The following TSHZ1 variants were observed in gnomAD, a reference collection of about 807,000 sequenced individuals.
The protein encoded by TSHZ1 is teashirt homolog 1.
TSHZ1 carries 12 observed loss-of-function variants against 67.1 expected under a neutral mutation model. That is an observed-to-expected ratio of 0.18 (90% CI 0.11 to 0.29). The LOEUF is 0.29. Ranked by LOEUF, TSHZ1 falls within the 10% of genes least tolerant of loss-of-function variation. TSHZ1 has a pLI of 1.00. For missense variants in TSHZ1, 1,305 were observed against 1,413.9 expected (o/e 0.92, Z 1.23); for synonymous variants, 632 against 622.4 (o/e 1.02, Z -0.23).
chr18:75,251,714 G>T (rs1250257429), intron 1 of TSHZ1, among the ~76,000 whole-genome samples: 1 of 151,974 alleles, frequency 6.6e-6, no homozygotes, highest in Non-Finnish European at 1.5e-5. Context: ...ACGTGAGGGG[G>T]GAGCAATTTT....
At chr18:75,247,178 A>T (rs2023234574) in intron 1 of TSHZ1, among the ~76,000 whole-genome samples, 1 of 152,014 alleles carries the variant, frequency 6.6e-6, no homozygotes, top group South Asian at 2.1e-4. Context: ...GCATCGACCC[A>T]CCACCGACCG....
rs1014859968 is a variant in TSHZ1, at chr18:75,289,574, A to T, written c.*933A>T. The T allele has an allele frequency of 6.0e-6, 1 of 167,100 alleles. No homozygotes were observed. Among genetic ancestry groups the T allele is most frequent in the Admixed American group, 6.5e-5 (1 of 15,288 alleles). 10.4% of individuals were successfully genotyped at this position (167,100 alleles called of 1,614,324 possible). On this transcript the variant is annotated 3_prime_UTR_variant, in exon 2 of 2. Transcript: ENST00000580243. Reference sequence around the variant, plus strand: ...GCTTAAAAACTCCTGTATGTTACATATCGTACCATTTTAATCTCTTCAACT... The same window carrying T: ...GCTTAAAAACTCCTGTATGTTACATTTCGTACCATTTTAATCTCTTCAACT...
chr18:75,287,810 C>T lies in TSHZ1; in HGVS notation c.2403C>T (p.Tyr801=). 1 of 1,614,154 alleles carries T rather than the reference C, an allele frequency of 6.2e-7. No homozygotes were observed. Among genetic ancestry groups the T allele is most frequent in the Non-Finnish European group, 8.5e-7 (1 of 1,180,048 alleles). ...PVKQADAIDR[Y]YYENSDQPID... Reference sequence around the variant, plus strand: ...AGCAGGCCGATGCCATCGACCGCTACTATTATGAAAACAGCGACCAGCCCA... The same window carrying T: ...AGCAGGCCGATGCCATCGACCGCTATTATTATGAAAACAGCGACCAGCCCA... Residue 801 remains tyrosine, a synonymous_variant, in exon 2 of 2, where the codon TAC becomes TAT. Transcript: ENST00000580243. The surrounding 1 kb of genome is among the most constrained non-coding windows in gnomAD (Gnocchi z 5.0).
chr18:75,278,064 TCTA>T (rs576813891), intron 1 of TSHZ1, among the ~76,000 whole-genome samples: 173 of 152,122 alleles, frequency 1.1e-3, no homozygotes, highest in African/African-American at 4.0e-3. Context: ...GGGGATCTGT[TCTA>T]CTAAAGAAAC....
intron 1 of TSHZ1, among the ~76,000 whole-genome samples, chr18:75,273,756 A>G (rs2023583910): frequency 6.6e-6 from 1 of 152,240 alleles, no homozygotes; most frequent in Non-Finnish European, 1.5e-5. Context: ...GCATATCTTC[A>G]GGCACACATT....
At chr18:75,240,973 G>T (rs1165202960) in intron 1 of TSHZ1, among the ~76,000 whole-genome samples, 1 of 152,196 alleles carries the variant, frequency 6.6e-6, no homozygotes, top group East Asian at 1.9e-4. Context: ...TAGGAAGATG[G>T]AATCCACCTG....
chr18:75,266,438 G>A (rs2023491577), intron 1 of TSHZ1, among the ~76,000 whole-genome samples: 1 of 152,148 alleles, frequency 6.6e-6, no homozygotes, highest in South Asian at 2.1e-4. Flanking sequence ...TGAGGCAGGA[G>A]ATTCGAGGAG....
chr18:75,265,096 C>T (rs1219951523), intron 1 of TSHZ1, among the ~76,000 whole-genome samples: 4 of 152,066 alleles, frequency 2.6e-5, no homozygotes, highest in Non-Finnish European at 5.9e-5. Flanking sequence ...AATCTTGGAC[C>T]GTGGTAGAGA....
Position 75,285,523 on chromosome 18 carries a change from A to G in TSHZ1, c.116A>G (p.Asp39Gly). ...GTGGAGGATGACGGGCTGTCTTTGG[A>G]CATTCAGGAAAGTGAGTACATGTGC... ...EHVEDDGLSL[D>G]IQESEYMCNE... Residue 39 changes from aspartate to glycine, a missense_variant, in exon 2 of 2, where the codon GAC becomes GGC. Physicochemically the swap from Asp to Gly is moderately conservative, Grantham distance 94. Around this residue, in one of 3 missense-constraint regions of TSHZ1, gnomAD observed 358 missense variants for 375.6 expected, o/e 0.95. Coordinates refer to ENST00000580243, the MANE Select transcript of TSHZ1 (RefSeq NM_001308210.2). 3.2e-6 allele frequency: 5 copies of G among 1,547,864 alleles called. No individual in the cohort carries two copies. The highest frequency in any genetic ancestry group is 4.4e-6 in the Non-Finnish European group (5 of 1,142,742).
At chr18:75,247,674 T>C (rs562595909) in intron 1 of TSHZ1, among the ~76,000 whole-genome samples, 65 of 152,268 alleles carry the variant, frequency 4.3e-4, no homozygotes, top group African/African-American at 1.4e-3. Flanking sequence ...ATTTTTCCAG[T>C]GTTCTCCGTA....
intron 1 of TSHZ1, among the ~76,000 whole-genome samples, chr18:75,274,834 A>G (rs1300754093): frequency 6.6e-6 from 1 of 152,224 alleles, no homozygotes; most frequent in African/African-American, 2.4e-5. Context: ...ATTTTCTGTC[A>G]TGATAGTGTT....
chr18:75,226,465 A>G (rs1013625835), intron 1 of TSHZ1, among the ~76,000 whole-genome samples: 4 of 152,166 alleles, frequency 2.6e-5, no homozygotes, highest in Non-Finnish European at 5.9e-5. Flanking sequence ...TTAGAGTGTG[A>G]TTAATAATTG....
intron 1 of TSHZ1, among the ~76,000 whole-genome samples, chr18:75,242,910 T>A (rs1296332101): frequency 6.6e-6 from 1 of 152,240 alleles, no homozygotes; most frequent in Non-Finnish European, 1.5e-5. Context: ...TCTGTCTTCC[T>A]CCACCCCTAG....
intron 1 of TSHZ1, among the ~76,000 whole-genome samples, chr18:75,218,929 T>A (rs1295589579): frequency 1.3e-5 from 2 of 152,224 alleles, no homozygotes; most frequent in African/African-American, 2.4e-5. Context: ...TGTATATTTT[T>A]TTTTTACTCA....
intron 1 of TSHZ1, among the ~76,000 whole-genome samples, chr18:75,243,342 T>C (rs1458227489): frequency 2.0e-5 from 3 of 152,124 alleles, no homozygotes; most frequent in African/African-American, 7.2e-5. Flanking sequence ...TTTTGAGAAA[T>C]GCAATGATGA....
intron 1 of TSHZ1, among the ~76,000 whole-genome samples, chr18:75,234,131 G>A (rs2023035442): frequency 6.6e-6 from 1 of 152,140 alleles, no homozygotes; most frequent in Non-Finnish European, 1.5e-5. Context: ...TGCAAGTGTG[G>A]GGGAATCTTG....
chr18:75,268,302 A>G (rs938401461), intron 1 of TSHZ1, among the ~76,000 whole-genome samples: 2 of 152,202 alleles, frequency 1.3e-5, no homozygotes, highest in African/African-American at 2.4e-5. Context: ...GTGCATTACC[A>G]TAATTGGCTT....
intron 1 of TSHZ1, among the ~76,000 whole-genome samples, chr18:75,267,488 G>GCAC (rs2122590424): frequency 6.6e-6 from 1 of 152,320 alleles, no homozygotes; most frequent in East Asian, 1.9e-4. Flanking sequence ...TGGTGGGGCT[G>GCAC]CGCCAGTGGG....
At chr18:75,270,339 T>TA (rs1402772272) in intron 1 of TSHZ1, among the ~76,000 whole-genome samples, 1 of 152,222 alleles carries the variant, frequency 6.6e-6, no homozygotes, top group Non-Finnish European at 1.5e-5. Context: ...GTAGAGTACT[T>TA]ACGATGGTGG....
Sources: allele counts gnomAD v4.1 joint callset (sites outside exome capture counted in the v4.1 genomes callset), GRCh38; gene constraint gnomAD v4.1.1; regional missense constraint gnomAD v4.1.1; non-coding constraint Gnocchi (gnomAD v3.1); transcripts MANE v1.5; gene names NCBI Gene and HGNC (gene_info 2026-07-23, HGNC 2026-07-21).